Variants in ADCY3 observed in about 807,000 individuals in gnomAD.
The protein encoded by ADCY3 is adenylate cyclase 3, also known as adenylate cyclase type 3.
In ADCY3, 70 loss-of-function variants were observed where a neutral mutation model predicts 119.4. The ratio of observed to expected loss-of-function variants is 0.59; its 90% CI spans 0.48 to 0.72. The LOEUF is 0.72. Among genes scored for constraint, ADCY3 ranks in the 30% least tolerant of loss-of-function variants. The pLI, the probability that ADCY3 is intolerant of heterozygous loss-of-function variation, is 0.00. For synonymous variants in ADCY3, 672 were observed against 621.4 expected, an observed-to-expected ratio of 1.08 and a Z score of -1.21; for missense variants, 1,238 against 1,541.6, an observed-to-expected ratio of 0.80 and a Z score of 3.30.
At position 24,834,007 on chromosome 2, in the gene ADCY3, G is replaced by C. The variant is rs1171471019; in HGVS notation, c.1967+478C>G. On this transcript the variant is annotated intron_variant, in intron 11 of 21. Coordinates refer to ENST00000679454, the MANE Select transcript of ADCY3 (RefSeq NM_004036.5). The surrounding 1 kb of genome is among the most constrained non-coding windows in gnomAD (Gnocchi z 4.2). The stretch of plus-strand genomic sequence containing the variant: ...CCCTCAGACAGGGCTTCACCAGCTG[G>C]GGACTCCAGGAGGCCACACCTTGCC... Among the ~76,000 whole-genome samples, 1 of 152,236 alleles carries C rather than the reference G, an allele frequency of 6.6e-6. No homozygotes were observed. The highest frequency in any genetic ancestry group is 1.5e-5 in the Non-Finnish European group (1 of 68,036).
rs992767212 is a variant in ADCY3 at position 24,898,883 on chromosome 2, C to T, written c.675+19430G>A. ...CAGTTCACACTGGAAACCCTTTCAC[C>T]GCCAGAGAACTCCAGCGCGGACGCC... On this transcript the variant is annotated intron_variant, in intron 2 of 21. Coordinates refer to ENST00000679454, the MANE Select transcript of ADCY3 (RefSeq NM_004036.5). The surrounding 1 kb of genome is among the most constrained non-coding windows in gnomAD (Gnocchi z 4.3). 2.0e-5 allele frequency among the ~76,000 whole-genome samples: 3 copies of T among 152,284 alleles called. No individual in the cohort carries two copies. Among genetic ancestry groups the T allele is most frequent in the East Asian group, 1.9e-4 (1 of 5,178 alleles).
intron 2 of ADCY3, among the ~76,000 whole-genome samples, chr2:24,905,136 AT>A (rs775630835): frequency 0.04 from 5,529 of 139,828 alleles, 207 homozygotes; most frequent in African/African-American, 0.1. Context: ...GTGTTTTTGC[AT>A]TTTTTTTTTT....
intron 11 of ADCY3, among the ~76,000 whole-genome samples, chr2:24,833,984 C>T (rs780073815): frequency 2.0e-5 from 3 of 152,266 alleles, no homozygotes; most frequent in Non-Finnish European, 2.9e-5. Context: ...GGTCGTCACC[C>T]TCAGACAGGG....
At chr2:24,915,610 G>A (rs770949737) in intron 2 of ADCY3, among the ~76,000 whole-genome samples, 4 of 152,070 alleles carry the variant, frequency 2.6e-5, no homozygotes, top group Non-Finnish European at 4.4e-5. Flanking sequence ...GTGCGATCTC[G>A]GCTCACTACA....
intron 2 of ADCY3, among the ~76,000 whole-genome samples, chr2:24,903,234 C>G (rs549861801): frequency 6.6e-6 from 1 of 151,716 alleles, no homozygotes; most frequent in East Asian, 1.9e-4. Context: ...CAAGGGTCAA[C>G]TGTATGCTGA....
Position 24,919,037 on chromosome 2 carries a change from G to C in ADCY3, c.-50C>G. On this transcript the variant is annotated 5_prime_UTR_variant, in exon 2 of 22. Transcript: ENST00000679454. The surrounding 1 kb of genome is among the most constrained non-coding windows in gnomAD (Gnocchi z 5.5). The stretch of plus-strand genomic sequence containing the variant: ...CTAGAGAAGTGGACTGGGAACGGAG[G>C]AAGAGCTCTGGACTGGGCCTCCTCT... 6.7e-7 allele frequency: 1 copy of C among 1,491,154 alleles called. No individual in the cohort carries two copies. The highest frequency in any genetic ancestry group is 1.3e-5 in the South Asian group (1 of 76,058). 92.4% of individuals were successfully genotyped at this position (1,491,154 alleles called of 1,614,324 possible). A position where few individuals can be genotyped will look rare whatever the true frequency, so the allele number is the denominator to read the frequency against.
Position 24,830,748 on chromosome 2 carries a change from G to T in ADCY3, c.2133C>A (p.Leu711=), listed in dbSNP as rs371612204. Reference sequence around the variant, plus strand: ...TTGCCATCACCAGGATGAAGATGGCGAGCATGGCCCAGGTGTTCCTGGCCC... The same window carrying T: ...TTGCCATCACCAGGATGAAGATGGCTAGCATGGCCCAGGTGTTCCTGGCCC... ...TRWARNTWAM[L]AIFILVMANV... is the part of the protein sequence containing the mutation. The change falls in exon 13 of 22, where the codon CTC becomes CTA. Residue 711 remains leucine, a synonymous_variant. Coordinates refer to ENST00000679454, the MANE Select transcript of ADCY3 (RefSeq NM_004036.5). The T allele has an allele frequency of 1.1e-5, 17 of 1,613,966 alleles. No homozygotes were observed. The highest frequency in any genetic ancestry group is 1.4e-5 in the Non-Finnish European group (16 of 1,179,998).
At position 24,828,032 on chromosome 2, in the gene ADCY3, G is replaced by C. The variant is rs1668869183; in HGVS notation, c.2302C>G (p.Leu768Val). 2.5e-6 allele frequency: 4 copies of C among 1,614,250 alleles called. No individual in the cohort carries two copies. Among genetic ancestry groups the C allele is most frequent in the Non-Finnish European group, 3.4e-6 (4 of 1,180,044 alleles). Residue 768 changes from leucine (L) to valine (V), a missense_variant, in exon 14 of 22, where the codon CTG becomes GTG. Leu to Val is a conservative substitution (Grantham distance 32, BLOSUM62 1). Around this residue, in one of 7 missense-constraint regions of ADCY3, gnomAD observed 499 missense variants for 571.0 expected, o/e 0.87. Transcript: ENST00000679454. The stretch of plus-strand genomic sequence containing the variant: ...TTCACCATGTGGCTGACCTGCACCA[G>C]CATGATGGTGGCGATGAGGGACAGC... ...AVLSLIATIM[L>V]VQVSHMVKLT...
chr2:24,857,053 G>A (rs1430115376), intron 3 of ADCY3, among the ~76,000 whole-genome samples: 5 of 152,326 alleles, frequency 3.3e-5, no homozygotes, highest in South Asian at 2.1e-4. Flanking sequence ...CAGTGTTGGC[G>A]GGGCCAGACT....
chr2:24,912,226 G>A (rs989845028), intron 2 of ADCY3, among the ~76,000 whole-genome samples: 3 of 151,826 alleles, frequency 2.0e-5, no homozygotes, highest in Non-Finnish European at 1.5e-5. Flanking sequence ...ACTTTAGGAG[G>A]CCGAGGTGGG....
intron 2 of ADCY3, among the ~76,000 whole-genome samples, chr2:24,911,656 A>C (rs1663682028): frequency 8.9e-6 from 1 of 112,114 alleles, no homozygotes; most frequent in Non-Finnish European, 1.7e-5. Context: ...AAAAAAAAAA[A>C]AACACACACA....
intron 20 of ADCY3, chr2:24,821,084 T>TGGCCAGC (rs1237844001): frequency 2.0e-5 from 11 of 546,610 alleles, no homozygotes; most frequent in Non-Finnish European, 3.5e-5. Context: ...GGCATGGTAG[T>TGGCCAGC]GGCCAGCTTC....
intron 8 of ADCY3, among the ~76,000 whole-genome samples, chr2:24,838,157 G>T (rs1479286573): frequency 6.7e-6 from 1 of 149,686 alleles, no homozygotes; most frequent in Non-Finnish European, 1.5e-5. Context: ...CCCCAACCCA[G>T]CTGCTCTCCT....
intron 3 of ADCY3, among the ~76,000 whole-genome samples, chr2:24,855,840 G>C (rs983035215): frequency 4.6e-5 from 7 of 152,188 alleles, no homozygotes; most frequent in Admixed American, 4.6e-4. Flanking sequence ...TCTCACCCCA[G>C]GGCAATCTGT....
intron 3 of ADCY3, among the ~76,000 whole-genome samples, chr2:24,871,614 G>C (rs144054454): frequency 6.6e-6 from 1 of 152,222 alleles, no homozygotes; most frequent in African/African-American, 2.4e-5. Context: ...CTGTCCACCC[G>C]AGTGGCAGCA....
At chr2:24,886,960 C>T (rs1015193674) in intron 2 of ADCY3, among the ~76,000 whole-genome samples, 4 of 152,228 alleles carry the variant, frequency 2.6e-5, no homozygotes, top group Non-Finnish European at 4.4e-5. Flanking sequence ...AGTGACACCC[C>T]GTGGCTCACT....
intron 6 of ADCY3, among the ~76,000 whole-genome samples, chr2:24,840,284 G>GTT (rs1477976377): frequency 6.6e-6 from 1 of 152,218 alleles, no homozygotes; most frequent in African/African-American, 2.4e-5. Context: ...AGGGGCCTCA[G>GTT]TTTCTCTCTG....
At position 24,822,565 on chromosome 2, in the gene ADCY3, C is replaced by A; in HGVS notation, c.2949G>T (p.Ala983=). ...TGACATCGGGGGTGACTCCTGAAGC[C>A]GCCATATACGTGCTGCCAATGGTTT... is the stretch of plus-strand genomic sequence containing the variant. The part of the protein sequence containing the change: ...KIKTIGSTYM[A]ASGVTPDVNT... Residue 983 remains alanine (A), a synonymous_variant, in exon 19 of 22, where the codon GCG becomes GCT. Coordinates refer to ENST00000679454, the MANE Select transcript of ADCY3 (RefSeq NM_004036.5). 2 of 1,613,904 alleles carry A rather than the reference C, an allele frequency of 1.2e-6. No homozygotes were observed. The highest frequency in any genetic ancestry group is 1.7e-6 in the Non-Finnish European group (2 of 1,179,960).
In ADCY3 at chr2:24,872,649, C is replaced by A. The variant is rs149726253; in HGVS notation, c.746G>T (p.Arg249Leu). Residue 249 changes from arginine (R) to leucine (L), a missense_variant, in exon 3 of 22, where the codon CGC becomes CTC. Arg to Leu is a moderately radical substitution (Grantham distance 102). Around this residue, in one of 7 missense-constraint regions of ADCY3, gnomAD observed 283 missense variants for 437.2 expected, o/e 0.65. Coordinates refer to ENST00000679454, the MANE Select transcript of ADCY3 (RefSeq NM_004036.5). The surrounding 1 kb of genome is among the most constrained non-coding windows in gnomAD (Gnocchi z 4.4). ...VGIMSYYMAD[R>L]KHRKAFLEAR... ...CTCCAGGAAGGCCTTGCGGTGCTTGCGGTCAGCCATGTAGTAGGACATGAT... is the reference window on the plus strand; with the variant it reads ...CTCCAGGAAGGCCTTGCGGTGCTTGAGGTCAGCCATGTAGTAGGACATGAT... 329 of 1,614,080 alleles carry A rather than the reference C, an allele frequency of 2.0e-4. No individual in the cohort carries two copies. Among genetic ancestry groups the A allele is most frequent in the Non-Finnish European group, 2.6e-4 (311 of 1,180,036 alleles).
Sources: allele counts gnomAD v4.1 joint callset (sites outside exome capture counted in the v4.1 genomes callset), GRCh38; gene constraint gnomAD v4.1.1; regional missense constraint gnomAD v4.1.1; non-coding constraint Gnocchi (gnomAD v3.1); transcripts MANE v1.5; gene names NCBI Gene and HGNC (gene_info 2026-07-23, HGNC 2026-07-21).